Variants in PDE6A observed in about 807,000 individuals in gnomAD.
The protein encoded by PDE6A is rod cGMP-specific 3',5'-cyclic phosphodiesterase subunit alpha.
A neutral mutation model predicts 106.3 loss-of-function variants in PDE6A; 84 were observed. The ratio of observed to expected loss-of-function variants is 0.79; its 90% CI spans 0.66 to 0.95. PDE6A has a LOEUF of 0.95. Among genes scored for constraint, PDE6A ranks in the 40% least tolerant of loss-of-function variants. The pLI, the probability that PDE6A is intolerant of heterozygous loss-of-function variation, is 0.00. For missense variants in PDE6A, 1,052 were observed against 1,084.9 expected, an observed-to-expected ratio of 0.97 and a Z score of 0.43; for synonymous variants, 394 against 386.6, an observed-to-expected ratio of 1.02 and a Z score of -0.23.
chr5:149,920,992 A>AAGAAAAAAAGAAAGAAAGAAAGAAAG (rs1753702223), intron 5 of PDE6A, among the ~76,000 whole-genome samples: 1 of 133,194 alleles, frequency 7.5e-6, no homozygotes, highest in African/African-American at 3.0e-5. Context: ...GAAAGAAAGA[A>AAGAAAAAAAGAAAGAAAGAAAGAAAG]AGAAAAAGAA....
At chr5:149,881,662 A>C (rs989367010) in intron 17 of PDE6A, among the ~76,000 whole-genome samples, 1 of 152,186 alleles carries the variant, frequency 6.6e-6, no homozygotes, top group Non-Finnish European at 1.5e-5. Context: ...TACCTGCGTG[A>C]GGATCGTTTG....
intron 1 of PDE6A, 25 bp downstream of exon 1, chr5:149,944,175 C>T (rs980119726): frequency 1.3e-6 from 2 of 1,563,742 alleles, no homozygotes; most frequent in Non-Finnish European, 8.8e-7. Context: ...GCCCCATGCC[C>T]TCTCTCTCAT....
intron 3 of PDE6A, among the ~76,000 whole-genome samples, chr5:149,933,503 T>A (rs538027614): frequency 6.2e-4 from 94 of 152,302 alleles, no homozygotes; most frequent in African/African-American, 2.2e-3. Flanking sequence ...TGGGTCCAGC[T>A]CTTTCCCTTT....
chr5:149,862,704 G>T (rs1760187250), intron 21 of PDE6A, among the ~76,000 whole-genome samples: 1 of 152,224 alleles, frequency 6.6e-6, no homozygotes, highest in South Asian at 2.1e-4. Context: ...GTTGCAGTGA[G>T]TGGAGATCGT....
rs142369291 is a variant in PDE6A, at chr5:149,884,501, T to C, written c.2005A>G (p.Thr669Ala). The C allele has an allele frequency of 9.9e-6, 16 of 1,613,136 alleles. No homozygotes were observed. The African/African-American group carries it at 2.0e-4, about 20-fold the overall frequency. ...AACTTGAAATACAGGGCGAGGTCTG[T>C]GGCAATGATTGCAATGTCCATCATG... ...IHMMDIAIIA[T>A]DLALYFKKRT... The change falls in exon 16 of 22, where the codon ACA becomes GCA. Residue 669 changes from threonine (T) to alanine (A), a missense_variant. Coordinates refer to ENST00000255266, the MANE Select transcript of PDE6A (RefSeq NM_000440.3).
intron 16 of PDE6A, 115 bp downstream of exon 16, chr5:149,884,356 GTGTATATA>G: frequency 5.9e-6 from 4 of 683,346 alleles, no homozygotes; most frequent in South Asian, 3.3e-5. Context: ...GTGTATATAT[GTGTATATA>G]TGTATATATG....
intron 17 of PDE6A, among the ~76,000 whole-genome samples, chr5:149,875,444 A>G (rs1446487530): frequency 6.6e-6 from 1 of 151,202 alleles, no homozygotes; most frequent in African/African-American, 2.4e-5. Context: ...CAAGTTTAAT[A>G]TTTTCAAAGG....
chr5:149,931,741 T>C (rs914260235), intron 3 of PDE6A, among the ~76,000 whole-genome samples: 1 of 152,230 alleles, frequency 6.6e-6, no homozygotes, highest in Non-Finnish European at 1.5e-5. Flanking sequence ...AAATCAATTC[T>C]CTACAGACTC....
intron 13 of PDE6A, among the ~76,000 whole-genome samples, chr5:149,893,045 C>T (rs949946422): frequency 5.9e-5 from 9 of 152,146 alleles, no homozygotes; most frequent in Admixed American, 2.6e-4. Context: ...TAAACTCTGA[C>T]GTGACTCAGT....
intron 1 of PDE6A, among the ~76,000 whole-genome samples, chr5:149,937,262 A>T (rs918239872): frequency 2.0e-5 from 3 of 152,256 alleles, no homozygotes; most frequent in African/African-American, 7.2e-5. Flanking sequence ...CAGTGTAGCT[A>T]AAGCATAGAG....
chr5:149,920,814 C>A (rs1718149043), intron 5 of PDE6A, among the ~76,000 whole-genome samples: 1 of 151,486 alleles, frequency 6.6e-6, no homozygotes, highest in South Asian at 2.1e-4. Context: ...GTAGGAGGAT[C>A]ACTTGAGCAC....
chr5:149,944,134 C>T, intron 1 of PDE6A, 66 bp downstream of exon 1: 2 of 1,308,604 alleles, frequency 1.5e-6, no homozygotes, highest in South Asian at 2.4e-5. Context: ...GCCCCTCACC[C>T]CACCTGTACC....
chr5:149,874,001 G>A (rs1760649603), intron 17 of PDE6A, among the ~76,000 whole-genome samples: 1 of 147,900 alleles, frequency 6.8e-6, no homozygotes, highest in Non-Finnish European at 1.5e-5. Flanking sequence ...GCAAGACCCT[G>A]TCTCTAAAAA....
intron 3 of PDE6A, chr5:149,932,207 T>C (rs1754054318): frequency 9.3e-6 from 12 of 1,295,344 alleles, no homozygotes; most frequent in Non-Finnish European, 1.3e-5. Context: ...TTGTTGTATC[T>C]GTATTTGAAA....
intron 13 of PDE6A, among the ~76,000 whole-genome samples, chr5:149,889,554 C>G (rs1474185413): frequency 6.6e-6 from 1 of 152,012 alleles, no homozygotes; most frequent in East Asian, 1.9e-4. Context: ...GCAATCCTCC[C>G]ATCTCAGCCT....
At chr5:149,918,529 T>C (rs1166614216) in intron 5 of PDE6A, among the ~76,000 whole-genome samples, 1 of 152,152 alleles carries the variant, frequency 6.6e-6, no homozygotes, top group African/African-American at 2.4e-5. Flanking sequence ...TCGTATGGAG[T>C]GAACTTTTCA....
intron 7 of PDE6A, among the ~76,000 whole-genome samples, chr5:149,907,108 T>C (rs1194333459): frequency 6.6e-6 from 1 of 152,220 alleles, no homozygotes; most frequent in Non-Finnish European, 1.5e-5. Context: ...ATTATTTATC[T>C]ATGTATTTGA....
At chr5:149,892,136 C>T (rs1238512414) in intron 13 of PDE6A, among the ~76,000 whole-genome samples, 1 of 151,976 alleles carries the variant, frequency 6.6e-6, no homozygotes, top group Admixed American at 6.6e-5. Context: ...TAGTGAGACC[C>T]CCCATCTCTC....
chr5:149,895,173 C>A lies in PDE6A; in HGVS notation c.1728+10G>T. On this transcript the variant is annotated intron_variant, in intron 13 of 21. Coordinates refer to ENST00000255266, the MANE Select transcript of PDE6A (RefSeq NM_000440.3). ...AGCCCACCCTACCAGCCCCACCGGC[C>A]CCGCCATACCACCAGCAGGGAGAAC... 6.3e-7 allele frequency: 1 copy of A among 1,590,880 alleles called. No homozygotes were observed. The highest frequency in any genetic ancestry group is 1.3e-5 in the African/African-American group (1 of 74,528).
Sources: gnomAD v4.1 joint callset for allele counts (sites outside exome capture counted in the v4.1 genomes callset) on GRCh38, gnomAD v4.1.1 for gene constraint, MANE v1.5 for transcripts, NCBI Gene and HGNC (gene_info 2026-07-23, HGNC 2026-07-21) for gene names.